VIPR2: variants seen among roughly 807,000 people sequenced by gnomAD.
VIPR2 encodes vasoactive intestinal polypeptide receptor 2.
A neutral mutation model predicts 58.0 loss-of-function variants in VIPR2; 48 were observed. That is an observed-to-expected ratio of 0.83 (90% CI 0.66 to 1.05). The LOEUF (loss-of-function observed/expected upper bound fraction) is 1.05. VIPR2 is among the 50% of genes least tolerant of loss of function. The pLI, the probability that VIPR2 is intolerant of heterozygous loss-of-function variation, is 0.00. For synonymous variants in VIPR2, 243 were observed against 235.2 expected (o/e 1.03, Z -0.30); for missense variants, 534 against 558.0 (o/e 0.96, Z 0.43).
rs536671004 is a variant in VIPR2 at position 159,070,953 on chromosome 7, C to T, written c.358-12375G>A. ...CTCAGCAGCGTGGCCCAGCAGCACA[C>T]GAAACGGCACGCCCACAGACTGGCT... On this transcript the variant is annotated intron_variant, in intron 4 of 12. Coordinates refer to ENST00000262178, the MANE Select transcript of VIPR2 (RefSeq NM_003382.5). Among the ~76,000 whole-genome samples the T allele has an allele frequency of 2.0e-5, 3 of 152,296 alleles. No homozygotes were observed. In the South Asian group the frequency reaches 6.2e-4, roughly 32 times the overall value.
chr7:159,069,442 CTT>C (rs1424597614), intron 4 of VIPR2, among the ~76,000 whole-genome samples: 6 of 152,212 alleles, frequency 3.9e-5, no homozygotes, highest in Non-Finnish European at 5.9e-5. Context: ...GAATCCATCT[CTT>C]GTCTCCAGAA....
chr7:159,106,357 G>A (rs1858646525), intron 3 of VIPR2, among the ~76,000 whole-genome samples: 1 of 152,276 alleles, frequency 6.6e-6, no homozygotes, highest in South Asian at 2.1e-4. Context: ...TGGAAGGACA[G>A]GAAATGACTG....
intron 4 of VIPR2, among the ~76,000 whole-genome samples, chr7:159,092,044 A>G (rs1483292137): frequency 1.3e-5 from 2 of 152,182 alleles, no homozygotes; most frequent in Non-Finnish European, 2.9e-5. Context: ...GTGAGCCAAG[A>G]TTATGCCGCT....
chr7:159,136,673 T>G (rs1315477638), intron 2 of VIPR2, among the ~76,000 whole-genome samples: 1 of 151,976 alleles, frequency 6.6e-6, no homozygotes, highest in African/African-American at 2.4e-5. Flanking sequence ...AACCCCCGCG[T>G]CAACACAGTC....
At chr7:159,092,088 C>T (rs970915967) in intron 4 of VIPR2, among the ~76,000 whole-genome samples, 2 of 152,308 alleles carry the variant, frequency 1.3e-5, no homozygotes, top group East Asian at 1.9e-4. Flanking sequence ...CCTCAGAAAA[C>T]GGAGGTGAGA....
Position 159,038,060 on chromosome 7 carries a change from G to A in VIPR2, c.598-1158C>T, listed in dbSNP as rs568956625. Among the ~76,000 whole-genome samples, 55 of 152,212 alleles carry A rather than the reference G, an allele frequency of 3.6e-4. 1 individual carries two copies. Among genetic ancestry groups the A allele is most frequent in the African/African-American group, 1.3e-3 (53 of 41,530 alleles). On this transcript the variant is annotated intron_variant, in intron 6 of 12. Coordinates refer to ENST00000262178, the MANE Select transcript of VIPR2 (RefSeq NM_003382.5). ...GGTGAATATACTTTTTTATATATGG[G>A]TGGGTATACTTATATATATGGGTGG...
At chr7:159,064,146 C>T (rs1270287257) in intron 4 of VIPR2, among the ~76,000 whole-genome samples, 5 of 151,956 alleles carry the variant, frequency 3.3e-5, no homozygotes, top group African/African-American at 4.8e-5. Context: ...CGTGGGTGGG[C>T]GCGGAGGGAG....
Position 159,078,394 on chromosome 7 carries a change from AT to A in VIPR2, c.358-19817del, listed in dbSNP as rs533371731. 3.5e-3 allele frequency among the ~76,000 whole-genome samples: 537 copies of A among 152,332 alleles called. 2 individuals are homozygous for A. The highest frequency in any genetic ancestry group is 6.1e-3 in the Non-Finnish European group (412 of 68,032). On this transcript the variant is annotated intron_variant, in intron 4 of 12. Coordinates refer to ENST00000262178, the MANE Select transcript of VIPR2 (RefSeq NM_003382.5). Reference sequence around the variant, plus strand: ...GTAGCACTGCTTCCTGAAATGAGACATCCCCATGTTTATCTTGTCTTAGGTA... The same window carrying A: ...GTAGCACTGCTTCCTGAAATGAGACACCCCATGTTTATCTTGTCTTAGGTA...
At position 159,142,436 on chromosome 7, in the gene VIPR2, T is replaced by C; in HGVS notation, c.151+10A>G. Reference sequence around the variant, plus strand: ...CACGGGAGTTCTTACTCACCAAGCCTCTGCCTTACCTTTGTGTTTTTCTGT... The same window carrying C: ...CACGGGAGTTCTTACTCACCAAGCCCCTGCCTTACCTTTGTGTTTTTCTGT... On this transcript the variant is annotated intron_variant, in intron 2 of 12. Transcript: ENST00000262178. 1 of 1,610,798 alleles carries C rather than the reference T, an allele frequency of 6.2e-7. No homozygotes were observed. The highest frequency in any genetic ancestry group is 8.5e-7 in the Non-Finnish European group (1 of 1,177,410).
chr7:159,138,150 A>G (rs1349178421), intron 2 of VIPR2, among the ~76,000 whole-genome samples: 1 of 152,198 alleles, frequency 6.6e-6, no homozygotes, highest in Non-Finnish European at 1.5e-5. Context: ...AGCCGAGACC[A>G]CAGAGCGAGG....
At chr7:159,032,999 A>G (rs1563253725) in intron 10 of VIPR2, among the ~76,000 whole-genome samples, 1 of 151,948 alleles carries the variant, frequency 6.6e-6, no homozygotes, top group Admixed American at 6.6e-5. Context: ...GGGCAAGCAG[A>G]GACGGGATAC....
rs1270381487 is a variant in VIPR2, at chr7:159,029,328, C to T, written c.*1288G>A. The T allele has an allele frequency of 6.6e-6, 1 of 152,278 alleles. No individual in the cohort carries two copies. The allele number at this position is 152,278 out of a possible 1,614,324, so 9.4% of individuals were successfully genotyped here. Reference sequence around the variant, plus strand: ...TGTGGGGGCCAGGGCTTGGCACACACATGGAGACTGTGCCCTGATATCCCC... The same window carrying T: ...TGTGGGGGCCAGGGCTTGGCACACATATGGAGACTGTGCCCTGATATCCCC... On this transcript the variant is annotated 3_prime_UTR_variant, in exon 13 of 13. Coordinates refer to ENST00000262178, the MANE Select transcript of VIPR2 (RefSeq NM_003382.5).
intron 4 of VIPR2, among the ~76,000 whole-genome samples, chr7:159,067,827 A>T: frequency 6.6e-6 from 1 of 152,250 alleles, no homozygotes; most frequent in East Asian, 1.9e-4. Context: ...AGGGTGAAAG[A>T]TAATCTCATA....
intron 2 of VIPR2, among the ~76,000 whole-genome samples, chr7:159,113,435 C>T (rs1403928210): frequency 6.6e-6 from 1 of 151,972 alleles, no homozygotes; most frequent in Non-Finnish European, 1.5e-5. Flanking sequence ...CTGACAAGCT[C>T]GGATTTTAAG....
chr7:159,068,918 T>C (rs1255656264), intron 4 of VIPR2, among the ~76,000 whole-genome samples: 1 of 152,074 alleles, frequency 6.6e-6, no homozygotes, highest in Non-Finnish European at 1.5e-5. Flanking sequence ...GAAAACAATA[T>C]AAGGAAGACA....
intron 4 of VIPR2, among the ~76,000 whole-genome samples, chr7:159,089,860 T>C (rs182871316): frequency 1.2e-4 from 18 of 152,348 alleles, no homozygotes; most frequent in African/African-American, 4.1e-4. Context: ...GATGCTGTGA[T>C]TAGCAAGGAT....
At chr7:159,111,222 C>T (rs949174540) in intron 2 of VIPR2, among the ~76,000 whole-genome samples, 2 of 152,074 alleles carry the variant, frequency 1.3e-5, no homozygotes, top group African/African-American at 4.8e-5. Context: ...CAAGAGTGAA[C>T]AAGATGGAGA....
At chr7:159,112,416 C>A (rs749488783) in intron 2 of VIPR2, among the ~76,000 whole-genome samples, 4 of 152,244 alleles carry the variant, frequency 2.6e-5, no homozygotes, top group Non-Finnish European at 2.9e-5. Context: ...GCTGCAACCT[C>A]CTGGCAACAG....
At chr7:159,107,102 C>T (rs915959048) in intron 3 of VIPR2, among the ~76,000 whole-genome samples, 2 of 152,128 alleles carry the variant, frequency 1.3e-5, no homozygotes, top group Non-Finnish European at 2.9e-5. Flanking sequence ...TGCTTCTCAG[C>T]GACTATTCCA....
Sources: gnomAD v4.1 joint callset for allele counts (sites outside exome capture counted in the v4.1 genomes callset) on GRCh38, gnomAD v4.1.1 for gene constraint, MANE v1.5 for transcripts, NCBI Gene and HGNC (gene_info 2026-07-23, HGNC 2026-07-21) for gene names.